THRAP3: variants seen among roughly 807,000 people sequenced by gnomAD.
THRAP3 encodes the protein thyroid hormone receptor-associated protein 3.
THRAP3 carries 16 observed loss-of-function variants against 101.0 expected under a neutral mutation model. The ratio of observed to expected loss-of-function variants is 0.16; its 90% CI spans 0.11 to 0.24. THRAP3 has a LOEUF of 0.24. Among genes scored for constraint, THRAP3 ranks in the 10% least tolerant of loss-of-function variants. The pLI, the probability that THRAP3 is intolerant of heterozygous loss-of-function variation, is 1.00. For synonymous variants in THRAP3, 407 were observed against 422.6 expected, an observed-to-expected ratio of 0.96 and a Z score of 0.45; for missense variants, 989 against 1,202.7, an observed-to-expected ratio of 0.82 and a Z score of 2.63.
chr1:36,239,018 C>T (rs1459636277), intron 1 of THRAP3, among the ~76,000 whole-genome samples: 2 of 151,964 alleles, frequency 1.3e-5, no homozygotes, highest in Non-Finnish European at 2.9e-5. Flanking sequence ...ACTGCAAGCT[C>T]CGCCTCCTGG....
At position 36,289,743 on chromosome 1, in the gene THRAP3, C is replaced by G; in HGVS notation, c.1724C>G (p.Ser575Cys). ...GCACAGGTCAATGTCCGGATGGACT[C>G]TTTTGATGAGGACCTCGCACGGTGA... ...REAQVNVRMD[S>C]FDEDLARPSG... is the part of the protein sequence containing the mutation. The change falls in exon 5 of 12, where the codon TCT becomes TGT. Residue 575 changes from serine (S) to cysteine (C), a missense_variant. Coordinates refer to ENST00000354618, the MANE Select transcript of THRAP3 (RefSeq NM_005119.4). 5 of 1,610,378 alleles carry G rather than the reference C, an allele frequency of 3.1e-6. No individual in the cohort carries two copies. The highest frequency in any genetic ancestry group is 4.2e-6 in the Non-Finnish European group (5 of 1,178,516).
the THRAP3 span, among the ~76,000 whole-genome samples, chr1:36,210,702 A>AGT: frequency 2.0e-4 from 1 of 5,102 alleles, no homozygotes; most frequent in Non-Finnish European, 2.5e-4. Context: ...AAAAAAAAAA[A>AGT]GTATATATAT....
chr1:36,304,003 C>A lies in THRAP3; in HGVS notation c.2854C>A (p.Pro952Thr). Residue 952 changes from proline (P) to threonine (T), a missense_variant, in exon 12 of 12, where the codon CCC becomes ACC. Physicochemically the swap from Pro to Thr is conservative, Grantham distance 38 (BLOSUM62 -1). Coordinates refer to ENST00000354618, the MANE Select transcript of THRAP3 (RefSeq NM_005119.4). ...ENREEKDNIQPTTE is the reference protein window; with the variant it reads ...ENREEKDNIQTTTE ...CCGAGAAGAGAAGGACAATATACAG[C>A]CCACAACCGAGTAGGGGCCACCCTT... 6.4e-7 allele frequency: 1 copy of A among 1,559,014 alleles called. No homozygotes were observed.
At chr1:36,218,414 CAAAA>C in the THRAP3 span, among the ~76,000 whole-genome samples, 3 of 40,102 alleles carry the variant, frequency 7.5e-5, no homozygotes, top group African/African-American at 1.8e-4. Context: ...GACTCTGTCT[CAAAA>C]AAAAAAAAAA....
At chr1:36,220,918 T>G (rs536788541), upstream of THRAP3, among the ~76,000 whole-genome samples, 56 of 130,930 alleles carry the variant, frequency 4.3e-4, no homozygotes, top group African/African-American at 1.5e-3. Flanking sequence ...ATCGCACTAC[T>G]GCACTCCAGC....
chr1:36,226,617 C>G (rs1644965324), intron 1 of THRAP3, among the ~76,000 whole-genome samples: 1 of 152,166 alleles, frequency 6.6e-6, no homozygotes, highest in Admixed American at 6.5e-5. Flanking sequence ...GGGCGCTACC[C>G]TGTTTCTGTA....
chr1:36,209,600 G>A, the THRAP3 span, among the ~76,000 whole-genome samples: 2 of 152,160 alleles, frequency 1.3e-5, no homozygotes, highest in Admixed American at 1.3e-4. Context: ...CAACAAAGCA[G>A]GTCTTAGGAG....
At chr1:36,266,754 A>T (rs1645519097) in intron 2 of THRAP3, among the ~76,000 whole-genome samples, 1 of 152,212 alleles carries the variant, frequency 6.6e-6, no homozygotes, top group African/African-American at 2.4e-5. Flanking sequence ...AAGTTTAAGT[A>T]CAGTCAGAGA....
In THRAP3 at chr1:36,282,681, T is replaced by C; in HGVS notation, c.118T>C (p.Ser40Pro). The stretch of plus-strand genomic sequence containing the variant: ...GTCCCGAAGCCGATCTCTCTCTCGT[T>C]CAAGGAAGCGCAGGCTGAGGTAAGG... The part of the protein sequence containing the change: ...SRSRSRSLSR[S>P]RKRRLSSRSR... The change falls in exon 3 of 12, where the codon TCA becomes CCA. Residue 40 changes from serine to proline, a missense_variant. Coordinates refer to ENST00000354618, the MANE Select transcript of THRAP3 (RefSeq NM_005119.4). 1.2e-6 allele frequency: 2 copies of C among 1,614,192 alleles called. No individual in the cohort carries two copies. The highest frequency in any genetic ancestry group is 8.5e-7 in the Non-Finnish European group (1 of 1,180,026).
At chr1:36,284,728 C>A (rs983385050) in intron 3 of THRAP3, among the ~76,000 whole-genome samples, 7 of 152,058 alleles carry the variant, frequency 4.6e-5, no homozygotes, top group African/African-American at 1.4e-4. Context: ...TGCCCAGGGC[C>A]CTCACTAGTA....
chr1:36,279,644 A>C (rs1267944968), intron 2 of THRAP3, among the ~76,000 whole-genome samples: 1 of 152,128 alleles, frequency 6.6e-6, no homozygotes, highest in Admixed American at 6.6e-5. Flanking sequence ...TGGCATCCTC[A>C]TCTAGCAGTC....
intron 1 of THRAP3, chr1:36,225,184 A>T (rs1425455879): frequency 6.6e-6 from 1 of 152,290 alleles, no homozygotes; most frequent in Non-Finnish European, 1.5e-5. Flanking sequence ...GGGGTGGAGC[A>T]TGGCAGCAGA....
At chr1:36,260,527 T>G (rs951033050) in intron 2 of THRAP3, among the ~76,000 whole-genome samples, 1 of 152,096 alleles carries the variant, frequency 6.6e-6, no homozygotes, top group African/African-American at 2.4e-5. Context: ...ATGCCAACAT[T>G]AATTGTCACT....
At chr1:36,272,112 T>C (rs1645599891) in intron 2 of THRAP3, among the ~76,000 whole-genome samples, 2 of 151,624 alleles carry the variant, frequency 1.3e-5, no homozygotes, top group South Asian at 4.2e-4. Context: ...ACTTCTGGAC[T>C]GAAAAGCAAG....
At chr1:36,285,012 A>G (rs998617408) in intron 3 of THRAP3, among the ~76,000 whole-genome samples, 1 of 151,840 alleles carries the variant, frequency 6.6e-6, no homozygotes, top group Non-Finnish European at 1.5e-5. Flanking sequence ...TGGTGTAGAT[A>G]AAAAAATCTG....
chr1:36,251,035 G>A (rs1645295076), intron 1 of THRAP3, among the ~76,000 whole-genome samples: 1 of 152,154 alleles, frequency 6.6e-6, no homozygotes, highest in East Asian at 2.0e-4. Flanking sequence ...GTGAGTCACC[G>A]CACCTGGCCT....
At chr1:36,287,779 A>G (rs1645814552) in intron 4 of THRAP3, 1 of 985,458 alleles carries the variant, frequency 1.0e-6, no homozygotes, top group African/African-American at 1.7e-5. Flanking sequence ...TTTTAAAACC[A>G]CAAGGTGGGT....
chr1:36,287,470 A>G (rs894709840), intron 4 of THRAP3, 200 bp downstream of exon 4: 1 of 985,296 alleles, frequency 1.0e-6, no homozygotes, highest in African/African-American at 1.7e-5. Context: ...CTGAATTTGT[A>G]TTGCAGCATA....
intron 2 of THRAP3, among the ~76,000 whole-genome samples, chr1:36,282,216 G>A (rs893605431): frequency 6.7e-6 from 1 of 150,362 alleles, no homozygotes; most frequent in African/African-American, 2.4e-5. Context: ...GTGAGCCACC[G>A]TGCTCAGCCA....
Sources: gnomAD v4.1 joint callset for allele counts (sites outside exome capture counted in the v4.1 genomes callset) on GRCh38, gnomAD v4.1.1 for gene constraint, MANE v1.5 for transcripts, NCBI Gene and HGNC (gene_info 2026-07-23, HGNC 2026-07-21) for gene names.